ANKS1B: variants seen among roughly 807,000 people sequenced by gnomAD.
ANKS1B encodes ankyrin repeat and sterile alpha motif domain-containing protein 1B.
A neutral mutation model predicts 148.3 loss-of-function variants in ANKS1B; 36 were observed. That is an observed-to-expected ratio of 0.24 (90% CI 0.19 to 0.32). The LOEUF is 0.32. ANKS1B is among the 10% of genes least tolerant of loss of function. The pLI, the probability that ANKS1B is intolerant of heterozygous loss-of-function variation, is 1.00. For synonymous variants in ANKS1B, 542 were observed against 560.8 expected (o/e 0.97, Z 0.47); for missense variants, 1,157 against 1,542.6 (o/e 0.75, Z 4.19).
chr12:99,947,315 C>T (rs1276555451), intron 1 of ANKS1B, among the ~76,000 whole-genome samples: 1 of 144,750 alleles, frequency 6.9e-6, no homozygotes, highest in Non-Finnish European at 1.5e-5. Flanking sequence ...CAATACAAAA[C>T]ACCAAAGGAA....
chr12:98,986,597 C>G (rs2099923533), intron 17 of ANKS1B, among the ~76,000 whole-genome samples: 1 of 151,668 alleles, frequency 6.6e-6, no homozygotes, highest in Non-Finnish European at 1.5e-5. Context: ...TGTTGTGTAT[C>G]TCTTCTACTG....
Position 99,727,175 on chromosome 12 carries a change from G to A in ANKS1B, c.1128+45747C>T, listed in dbSNP as rs150850853. The stretch of plus-strand genomic sequence containing the variant: ...CAAGAGAAAGAAGTAAAGCATATTC[G>A]AATAGAAAGAGAGGAAGTCATATTG... On this transcript the variant is annotated intron_variant, in intron 8 of 26. Transcript: ENST00000683438. Among the ~76,000 whole-genome samples the A allele has an allele frequency of 5.5e-4, 84 of 151,878 alleles. No individual in the cohort carries two copies. In the East Asian group the frequency reaches 0.012, roughly 21 times the overall value.
chr12:99,305,556 A>G (rs1273581273), intron 12 of ANKS1B, among the ~76,000 whole-genome samples: 1 of 152,098 alleles, frequency 6.6e-6, no homozygotes, highest in Non-Finnish European at 1.5e-5. Context: ...AAAACTCAAT[A>G]TTTCTAGAAA....
chr12:99,832,540 A>G (rs1207240236), intron 1 of ANKS1B, among the ~76,000 whole-genome samples: 2 of 152,020 alleles, frequency 1.3e-5, no homozygotes, highest in African/African-American at 4.8e-5. Context: ...CCTGGCCAAC[A>G]TGGCAAAAAA....
intron 3 of ANKS1B, among the ~76,000 whole-genome samples, chr12:99,808,260 T>C (rs1041687077): frequency 6.6e-6 from 1 of 152,066 alleles, no homozygotes. Context: ...TTCTAGAAAG[T>C]AACTCAAGTT....
chr12:99,863,781 G>C (rs1375448972), intron 1 of ANKS1B, among the ~76,000 whole-genome samples: 1 of 151,674 alleles, frequency 6.6e-6, no homozygotes, highest in East Asian at 1.9e-4. Context: ...GTCAAAAGTC[G>C]ATCCCCTTGG....
chr12:99,931,865 T>C (rs539174498), intron 1 of ANKS1B, among the ~76,000 whole-genome samples: 6 of 152,166 alleles, frequency 3.9e-5, no homozygotes, highest in African/African-American at 1.4e-4. Flanking sequence ...AAATGCTAGG[T>C]CTTATTCATT....
chr12:99,192,819 C>A (rs376538453), intron 14 of ANKS1B, among the ~76,000 whole-genome samples: 1 of 151,870 alleles, frequency 6.6e-6, no homozygotes, highest in East Asian at 1.9e-4. Context: ...ATTCTTAAAA[C>A]CATTAAGAAG....
intron 14 of ANKS1B, among the ~76,000 whole-genome samples, chr12:99,196,847 T>C (rs2081445896): frequency 6.6e-6 from 1 of 152,098 alleles, no homozygotes; most frequent in South Asian, 2.1e-4. Flanking sequence ...GATTGTAAAT[T>C]GTGTCCTCAA....
chr12:99,743,550 T>C (rs2060312669), intron 8 of ANKS1B, among the ~76,000 whole-genome samples: 1 of 152,142 alleles, frequency 6.6e-6, no homozygotes, highest in Non-Finnish European at 1.5e-5. Flanking sequence ...ATAAAGCAAA[T>C]CTTATTCCAG....
intron 15 of ANKS1B, among the ~76,000 whole-genome samples, chr12:99,111,889 A>G (rs557439884): frequency 6.6e-6 from 1 of 152,208 alleles, no homozygotes; most frequent in African/African-American, 2.4e-5. Flanking sequence ...GATAATTTTG[A>G]CAATAAGCTT....
intron 9 of ANKS1B, among the ~76,000 whole-genome samples, chr12:99,570,043 T>C (rs143372928): frequency 8.5e-5 from 13 of 152,236 alleles, no homozygotes; most frequent in African/African-American, 2.6e-4. Flanking sequence ...CAAAGGCACA[T>C]AACTCACCCA....
chr12:98,954,626 C>T (rs1212413257), intron 17 of ANKS1B, among the ~76,000 whole-genome samples: 3 of 152,126 alleles, frequency 2.0e-5, no homozygotes, highest in Non-Finnish European at 4.4e-5. Context: ...TGAGGTTTTG[C>T]TAAGCTTAGT....
In ANKS1B at chr12:99,707,681, CAGAA is replaced by C. The variant is rs201615564; in HGVS notation, c.1129-52475_1129-52472del. ...AGCTTACAGTGCCTACATTATTGTA[CAGAA>C]AGAAAGGGCAGCAGGGAGCTAGAAT... On this transcript the variant is annotated intron_variant, in intron 8 of 26. Transcript: ENST00000683438. Among the ~76,000 whole-genome samples, 537 of 151,908 alleles carry C rather than the reference CAGAA, an allele frequency of 3.5e-3. 4 individuals are homozygous for C. The highest frequency in any genetic ancestry group is 0.012 in the African/African-American group (495 of 41,418).
At chr12:99,391,966 C>G (rs958690894) in intron 12 of ANKS1B, among the ~76,000 whole-genome samples, 3 of 152,206 alleles carry the variant, frequency 2.0e-5, no homozygotes, top group African/African-American at 7.2e-5. Flanking sequence ...ACCTAAAATC[C>G]TGGTCTATTG....
chr12:99,956,721 T>C (rs747402453), intron 1 of ANKS1B, among the ~76,000 whole-genome samples: 2 of 152,222 alleles, frequency 1.3e-5, no homozygotes, highest in Non-Finnish European at 2.9e-5. Context: ...CAGTGGTAAG[T>C]TGTTTTAATG....
intron 9 of ANKS1B, among the ~76,000 whole-genome samples, chr12:99,641,219 T>C (rs761438478): frequency 6.6e-6 from 1 of 152,202 alleles, no homozygotes; most frequent in African/African-American, 2.4e-5. Context: ...GTAAATAATT[T>C]ATAGAGAATC....
intron 15 of ANKS1B, among the ~76,000 whole-genome samples, chr12:99,089,514 C>A (rs2053324703): frequency 2.0e-5 from 3 of 152,194 alleles, no homozygotes; most frequent in African/African-American, 4.8e-5. Flanking sequence ...ATCATTGTAG[C>A]AAGTTCCATT....
intron 9 of ANKS1B, among the ~76,000 whole-genome samples, chr12:99,537,818 A>C (rs370014418): frequency 7.2e-5 from 11 of 152,262 alleles, no homozygotes; most frequent in African/African-American, 2.6e-4. Context: ...TATATTGCTC[A>C]AGAAATTTTT....
Sources: allele counts gnomAD v4.1 joint callset (sites outside exome capture counted in the v4.1 genomes callset), GRCh38; gene constraint gnomAD v4.1.1; transcripts MANE v1.5; gene names NCBI Gene and HGNC (gene_info 2026-07-23, HGNC 2026-07-21).